Variants in SCHIP1 observed in about 807,000 individuals in gnomAD.
SCHIP1 encodes schwannomin interacting protein 1.
In SCHIP1, 8 loss-of-function variants were observed where a neutral mutation model predicts 29.7. The ratio of observed to expected loss-of-function variants is 0.27; its 90% confidence interval spans 0.16 to 0.49. The LOEUF is 0.49. Ranked by LOEUF, SCHIP1 falls within the 20% of genes least tolerant of loss-of-function variation. The probability of loss-of-function intolerance (pLI) is 0.99; values close to 1 mark genes in which losing one functional copy is unlikely to be tolerated. For missense variants in SCHIP1, 193 were observed against 294.6 expected (o/e 0.66, Z 2.52); for synonymous variants, 76 against 94.9 (o/e 0.80, Z 1.16).
chr3:159,385,575 C>CAA, the SCHIP1 span, among the ~76,000 whole-genome samples: 1 of 133,152 alleles, frequency 7.5e-6, no homozygotes, highest in South Asian at 2.5e-4. Context: ...AACAAACAAA[C>CAA]AAAAAAAAAA....
At chr3:159,286,984 A>G in the SCHIP1 span, among the ~76,000 whole-genome samples, 2 of 152,116 alleles carry the variant, frequency 1.3e-5, no homozygotes, top group African/African-American at 4.8e-5. Flanking sequence ...TGTTGGATGC[A>G]CACTTTGCAG....
the SCHIP1 span, among the ~76,000 whole-genome samples, chr3:159,832,433 A>T: frequency 1.3e-5 from 2 of 151,856 alleles, no homozygotes; most frequent in South Asian, 4.2e-4. Flanking sequence ...GGTCTCCCAC[A>T]TCTTAAACAT....
intron 1 of SCHIP1, among the ~76,000 whole-genome samples, chr3:159,862,876 C>T (rs1037852894): frequency 6.6e-6 from 1 of 151,838 alleles, no homozygotes; most frequent in African/African-American, 2.4e-5. Flanking sequence ...AAAGCTGCAC[C>T]CTCTTACATT....
the SCHIP1 span, among the ~76,000 whole-genome samples, chr3:159,393,409 A>G: frequency 6.6e-6 from 1 of 151,858 alleles, no homozygotes; most frequent in Non-Finnish European, 1.5e-5. Flanking sequence ...CCTGAATGGT[A>G]ATGCCTAGGT....
At chr3:159,865,669 T>C (rs1289514822) in intron 1 of SCHIP1, among the ~76,000 whole-genome samples, 1 of 152,218 alleles carries the variant, frequency 6.6e-6, no homozygotes, top group Non-Finnish European at 1.5e-5. Context: ...TCTGGCCTTA[T>C]TGTGGCATCT....
At chr3:159,393,310 T>C in the SCHIP1 span, among the ~76,000 whole-genome samples, 1 of 152,194 alleles carries the variant, frequency 6.6e-6, no homozygotes, top group Non-Finnish European at 1.5e-5. Context: ...AGAAGCTCTT[T>C]AGTTTAATTA....
the SCHIP1 span, among the ~76,000 whole-genome samples, chr3:159,723,471 A>G: frequency 6.6e-6 from 1 of 152,326 alleles, no homozygotes; most frequent in Non-Finnish European, 1.5e-5. Flanking sequence ...ATTTTTAGTA[A>G]CAATCTCACT....
At chr3:159,859,179 C>T (rs750504149) in intron 1 of SCHIP1, among the ~76,000 whole-genome samples, 4 of 152,228 alleles carry the variant, frequency 2.6e-5, no homozygotes, top group Non-Finnish European at 4.4e-5. Context: ...GTGCACCTGA[C>T]ATTCAACAGC....
chr3:159,814,781 T>A, the SCHIP1 span, among the ~76,000 whole-genome samples: 1 of 152,210 alleles, frequency 6.6e-6, no homozygotes, highest in Non-Finnish European at 1.5e-5. Context: ...TGATTTTAGA[T>A]CTCCCTTGCC....
chr3:159,398,192 G>T, the SCHIP1 span, among the ~76,000 whole-genome samples: 2 of 151,906 alleles, frequency 1.3e-5, no homozygotes, highest in East Asian at 1.9e-4. Context: ...GCTCACACAC[G>T]GTGCGCACAC....
intron 1 of SCHIP1, among the ~76,000 whole-genome samples, chr3:159,855,277 C>A (rs1248278959): frequency 6.6e-6 from 1 of 152,070 alleles, no homozygotes; most frequent in East Asian, 1.9e-4. Flanking sequence ...TTTTTAAACC[C>A]ACTCTTTGTA....
chr3:159,490,032 A>T, the SCHIP1 span, among the ~76,000 whole-genome samples: 6 of 152,282 alleles, frequency 3.9e-5, no homozygotes, highest in South Asian at 1.2e-3. Context: ...ATTGTATATA[A>T]TTTGAGTTTT....
the SCHIP1 span, among the ~76,000 whole-genome samples, chr3:159,693,242 T>C: frequency 2.0e-5 from 3 of 152,288 alleles, no homozygotes; most frequent in East Asian, 3.9e-4. Context: ...TATATAATAT[T>C]ATTAAGAATA....
the SCHIP1 span, among the ~76,000 whole-genome samples, chr3:159,494,636 C>A: frequency 1.3e-4 from 20 of 152,194 alleles, no homozygotes; most frequent in Non-Finnish European, 1.0e-4. Flanking sequence ...AAAAAAAGTC[C>A]AGGACCAGAT....
At chr3:159,718,783 A>G in the SCHIP1 span, among the ~76,000 whole-genome samples, 24 of 152,224 alleles carry the variant, frequency 1.6e-4, no homozygotes, top group Non-Finnish European at 2.8e-4. Flanking sequence ...GGAAGAATCA[A>G]TATTGTGAAA....
chr3:159,470,531 C>T, the SCHIP1 span, among the ~76,000 whole-genome samples: 1 of 152,246 alleles, frequency 6.6e-6, no homozygotes, highest in Admixed American at 6.5e-5. Context: ...AATAATCTCA[C>T]ATTGAAAATA....
At chr3:159,579,263 C>T in the SCHIP1 span, among the ~76,000 whole-genome samples, 1 of 152,062 alleles carries the variant, frequency 6.6e-6, no homozygotes, top group African/African-American at 2.4e-5. Context: ...TAATGTAAGA[C>T]ATTTTTATGG....
chr3:159,480,802 G>T, the SCHIP1 span, among the ~76,000 whole-genome samples: 23,192 of 152,058 alleles, frequency 0.15, 1,953 homozygotes, highest in South Asian at 0.33. Context: ...TGTCACGCAC[G>T]TCCTTGTGAA....
the SCHIP1 span, among the ~76,000 whole-genome samples, chr3:159,401,858 G>T: frequency 2.8e-4 from 43 of 152,230 alleles, no homozygotes; most frequent in African/African-American, 9.4e-4. Context: ...TCCAGTTTCA[G>T]CTTTCTACAT....
Sources: allele counts gnomAD v4.1 joint callset (sites outside exome capture counted in the v4.1 genomes callset), GRCh38; gene constraint gnomAD v4.1.1; transcripts MANE v1.5; gene names NCBI Gene and HGNC (gene_info 2026-07-23, HGNC 2026-07-21).